Variants in PPP6C observed in about 807,000 individuals in gnomAD.
PPP6C encodes protein phosphatase 6 catalytic subunit, also known as serine/threonine-protein phosphatase 6 catalytic subunit.
Under a neutral mutation model 39.8 loss-of-function variants are expected in PPP6C, and 11 were observed. The observed-to-expected ratio is 0.28, with a 90% CI of 0.17 to 0.46. The LOEUF is 0.46. PPP6C is among the 20% of genes least tolerant of loss of function. The pLI is 1.00. For synonymous variants in PPP6C, 129 were observed against 130.3 expected (o/e 0.99, Z 0.07); for missense variants, 211 against 373.9 (o/e 0.56, Z 3.59).
In PPP6C at chr9:125,153,527, C is replaced by CT; in HGVS notation, c.669+5dup. On this transcript the variant is annotated splice_donor_region_variant and intron_variant, in intron 6 of 6. Transcript: ENST00000373547. ...CAAATTACATTTCCAAAAATGTTGG[C>CT]TTTACCTCATTTGTGACCTTTGCTC... is the stretch of plus-strand genomic sequence containing the variant. The CT allele has an allele frequency of 6.2e-7, 1 of 1,613,550 alleles. No individual in the cohort carries two copies. Among genetic ancestry groups the CT allele is most frequent in the African/African-American group, 1.3e-5 (1 of 75,008 alleles).
chr9:125,182,521 T>A (rs751598436), intron 1 of PPP6C, among the ~76,000 whole-genome samples: 1 of 151,956 alleles, frequency 6.6e-6, no homozygotes, highest in African/African-American at 2.4e-5. Flanking sequence ...TAGCTAACAT[T>A]ATATTTCACA....
intron 1 of PPP6C, among the ~76,000 whole-genome samples, chr9:125,173,313 G>A (rs1340096462): frequency 2.0e-5 from 3 of 150,462 alleles, no homozygotes; most frequent in Non-Finnish European, 4.4e-5. Flanking sequence ...GGCTGAGGCA[G>A]GAGAATCACT....
At chr9:125,156,028 A>C (rs1836063557) in intron 4 of PPP6C, among the ~76,000 whole-genome samples, 1 of 151,912 alleles carries the variant, frequency 6.6e-6, no homozygotes, top group Non-Finnish European at 1.5e-5. Flanking sequence ...CATTAGTTTT[A>C]GTACTGTTTT....
chr9:125,167,838 G>T (rs944218079), intron 2 of PPP6C, among the ~76,000 whole-genome samples: 3 of 136,938 alleles, frequency 2.2e-5, no homozygotes, highest in Non-Finnish European at 4.7e-5. Context: ...ATGGGGGGGG[G>T]GGGGGGGGGT....
intron 2 of PPP6C, among the ~76,000 whole-genome samples, chr9:125,169,417 T>C (rs898090157): frequency 3.3e-5 from 5 of 152,276 alleles, no homozygotes; most frequent in Non-Finnish European, 5.9e-5. Flanking sequence ...GGTTGGTCTC[T>C]AACTTTCTGA....
rs150524835 is a variant in PPP6C at position 125,184,540 on chromosome 9, G to C, written c.75+5104C>G. ...CCACTGCACTCCACCCTGGGCAGCA[G>C]ACTGAGACCCTACCTCAAAGAAAAA... On this transcript the variant is annotated intron_variant, in intron 1 of 6. Transcript: ENST00000373547. Among the ~76,000 whole-genome samples, 8 of 150,500 alleles carry C rather than the reference G, an allele frequency of 5.3e-5. No individual in the cohort carries two copies. The East Asian group carries it at 1.6e-3, about 29-fold the overall frequency.
chr9:125,151,314 G>A (rs762862025), intron 6 of PPP6C: 312 of 1,466,112 alleles, frequency 2.1e-4, no homozygotes, highest in Non-Finnish European at 2.9e-4. Context: ...GACACTTGTG[G>A]CACAATCTGC....
chr9:125,175,250 G>A (rs1038890609), intron 1 of PPP6C, among the ~76,000 whole-genome samples: 1 of 151,924 alleles, frequency 6.6e-6, no homozygotes, highest in Non-Finnish European at 1.5e-5. Context: ...GCTGGTGAGT[G>A]AAACAATGTT....
intron 2 of PPP6C, among the ~76,000 whole-genome samples, chr9:125,170,544 G>C (rs1829124931): frequency 6.6e-6 from 1 of 152,052 alleles, no homozygotes; most frequent in African/African-American, 2.4e-5. Context: ...GCACTGCTTT[G>C]AAATTCTTAC....
At chr9:125,178,934 G>A (rs1206189311) in intron 1 of PPP6C, among the ~76,000 whole-genome samples, 1 of 152,094 alleles carries the variant, frequency 6.6e-6, no homozygotes, top group Non-Finnish European at 1.5e-5. Flanking sequence ...TTATCTGCAG[G>A]CCAGGCATGG....
intron 6 of PPP6C, chr9:125,150,956 T>A (rs1835921996): frequency 1.6e-6 from 2 of 1,238,740 alleles, no homozygotes; most frequent in Non-Finnish European, 2.4e-6. Flanking sequence ...AAGAGTCAGG[T>A]GACAATCTCA....
At position 125,147,204 on chromosome 9, in the gene PPP6C, A is replaced by G. The variant is rs887567129; in HGVS notation, c.*2469T>C. On this transcript the variant is annotated 3_prime_UTR_variant, in exon 7 of 7. Coordinates refer to ENST00000373547, the MANE Select transcript of PPP6C (RefSeq NM_002721.5). ...TATCGGCCAAAGGAGGAAAGGGAGT[A>G]AATGGCAATTCAAAGTAGACAGTTC... is the stretch of plus-strand genomic sequence containing the variant. The G allele has an allele frequency of 1.8e-4, 28 of 152,240 alleles. No homozygotes were observed. Among genetic ancestry groups the G allele is most frequent in the African/African-American group, 5.3e-4 (22 of 41,470 alleles). The allele number at this position is 152,240 out of a possible 1,614,324, so 9.4% of individuals were successfully genotyped here.
intron 1 of PPP6C, among the ~76,000 whole-genome samples, chr9:125,185,866 C>A (rs1233167519): frequency 6.6e-6 from 1 of 151,530 alleles, no homozygotes; most frequent in Non-Finnish European, 1.5e-5. Flanking sequence ...TGCCTGTAAT[C>A]ACAGCTACTC....
At position 125,188,166 on chromosome 9, in the gene PPP6C, A is replaced by C. The variant is rs1829572392; in HGVS notation, c.75+1478T>G. Among the ~76,000 whole-genome samples, 2 of 152,150 alleles carry C rather than the reference A, an allele frequency of 1.3e-5. 1 individual carries two copies. Among genetic ancestry groups the C allele is most frequent in the East Asian group, 3.9e-4 (2 of 5,162 alleles). On this transcript the variant is annotated intron_variant, in intron 1 of 6. Transcript: ENST00000373547. ...TTTGGGAGGCCGAGGCGGGCGGATC[A>C]CGAGTTCAGGAGATCGAGACCATCC...
chr9:125,163,693 T>C (rs1418670951), intron 2 of PPP6C, among the ~76,000 whole-genome samples: 1 of 151,708 alleles, frequency 6.6e-6, no homozygotes, highest in African/African-American at 2.4e-5. Context: ...CCTCTCAAAG[T>C]GCTGGGATTA....
chr9:125,163,942 G>A (rs1315072871), intron 2 of PPP6C, among the ~76,000 whole-genome samples: 1 of 151,094 alleles, frequency 6.6e-6, no homozygotes, highest in Non-Finnish European at 1.5e-5. Context: ...CCACCTCCTG[G>A]GTTCAAGTGA....
chr9:125,172,764 C>T (rs759340152), intron 1 of PPP6C, among the ~76,000 whole-genome samples: 2 of 149,934 alleles, frequency 1.3e-5, no homozygotes, highest in Non-Finnish European at 2.9e-5. Context: ...CACACACACA[C>T]ACACACAAAC....
Position 125,153,532 on chromosome 9 carries a change from C to T in PPP6C, c.669+1G>A, listed in dbSNP as rs2131299596. On this transcript the variant is annotated splice_donor_variant, in intron 6 of 6. Coordinates refer to ENST00000373547, the MANE Select transcript of PPP6C (RefSeq NM_002721.5). LOFTEE classifies it high-confidence loss of function. ...TACATTTCCAAAAATGTTGGCTTTA[C>T]CTCATTTGTGACCTTTGCTCCAAAA... The T allele has an allele frequency of 6.2e-7, 1 of 1,613,820 alleles. No individual in the cohort carries two copies. Among genetic ancestry groups the T allele is most frequent in the Non-Finnish European group, 8.5e-7 (1 of 1,179,840 alleles).
At chr9:125,186,514 G>A (rs969219478) in intron 1 of PPP6C, among the ~76,000 whole-genome samples, 1 of 152,002 alleles carries the variant, frequency 6.6e-6, no homozygotes, top group Non-Finnish European at 1.5e-5. Context: ...GGGAAGCCAA[G>A]GTGGGAGGAT....
Sources: allele counts gnomAD v4.1 joint callset (sites outside exome capture counted in the v4.1 genomes callset), GRCh38; gene constraint gnomAD v4.1.1; transcripts MANE v1.5; gene names NCBI Gene and HGNC (gene_info 2026-07-23, HGNC 2026-07-21).